GSG1L: variants seen among roughly 807,000 people sequenced by gnomAD.
The protein encoded by GSG1L is germ cell-specific gene 1-like protein.
In GSG1L, 24 loss-of-function variants were observed where a neutral mutation model predicts 42.1. The observed-to-expected ratio is 0.57, with a 90% CI of 0.41 to 0.80. The LOEUF is 0.80. GSG1L is among the 30% of genes least tolerant of loss of function. GSG1L has a pLI of 0.00. For synonymous variants in GSG1L, 215 were observed against 203.5 expected, an observed-to-expected ratio of 1.06 and a Z score of -0.48; for missense variants, 445 against 472.2, an observed-to-expected ratio of 0.94 and a Z score of 0.53.
intron 1 of GSG1L, among the ~76,000 whole-genome samples, chr16:28,039,586 T>C (rs62031307): frequency 0.28 from 41,958 of 148,588 alleles, 6,160 homozygotes; most frequent in Non-Finnish European, 0.32. Flanking sequence ...CGCGCACACA[T>C]GCACATACCC....
intron 2 of GSG1L, among the ~76,000 whole-genome samples, chr16:27,898,882 A>T (rs2084223915): frequency 6.6e-6 from 1 of 152,224 alleles, no homozygotes; most frequent in African/African-American, 2.4e-5. Flanking sequence ...TCCCACATGG[A>T]AATAGTGGCT....
chr16:27,885,215 T>C (rs1028615428), intron 2 of GSG1L, among the ~76,000 whole-genome samples: 7 of 152,168 alleles, frequency 4.6e-5, no homozygotes, highest in African/African-American at 2.4e-5. Flanking sequence ...AGTGGTGCAA[T>C]CACGGTTCAC....
At chr16:28,041,062 T>C (rs2086100376) in intron 1 of GSG1L, among the ~76,000 whole-genome samples, 1 of 152,172 alleles carries the variant, frequency 6.6e-6, no homozygotes. Flanking sequence ...TGAACCATTT[T>C]CTTAAGGTCA....
At chr16:28,006,773 G>T (rs921026795) in intron 1 of GSG1L, among the ~76,000 whole-genome samples, 1 of 152,146 alleles carries the variant, frequency 6.6e-6, no homozygotes, top group Non-Finnish European at 1.5e-5. Flanking sequence ...AATGGGAGTG[G>T]GTGATCTGGT....
chr16:27,846,112 C>A (rs1484247375), intron 3 of GSG1L, among the ~76,000 whole-genome samples: 1 of 152,124 alleles, frequency 6.6e-6, no homozygotes, highest in Non-Finnish European at 1.5e-5. Context: ...ACTTTTATAC[C>A]ATATTCCAAG....
At chr16:27,972,219 CAGA>C (rs2141116409) in intron 1 of GSG1L, among the ~76,000 whole-genome samples, 1 of 152,354 alleles carries the variant, frequency 6.6e-6, no homozygotes, top group South Asian at 2.1e-4. Context: ...CAAGGCTAAA[CAGA>C]AGATGTTTAA....
intron 1 of GSG1L, among the ~76,000 whole-genome samples, chr16:27,970,117 T>A (rs1017348988): frequency 6.6e-6 from 1 of 152,208 alleles, no homozygotes; most frequent in Non-Finnish European, 1.5e-5. Context: ...CCCTTATCAG[T>A]TATCTGATTT....
chr16:27,861,291 C>T (rs1446831821), intron 3 of GSG1L, among the ~76,000 whole-genome samples: 1 of 152,112 alleles, frequency 6.6e-6, no homozygotes, highest in Non-Finnish European at 1.5e-5. Context: ...GCACGAGAAT[C>T]GTTTGAACCC....
intron 1 of GSG1L, 142 bp from the exon 2 acceptor site, chr16:27,963,345 T>C: frequency 1.4e-6 from 1 of 730,702 alleles, no homozygotes. Context: ...CCCTGGTTCC[T>C]AGAAGCCCAA....
chr16:27,871,340 A>T (rs189703778), intron 3 of GSG1L, among the ~76,000 whole-genome samples: 101 of 152,274 alleles, frequency 6.6e-4, no homozygotes, highest in Non-Finnish European at 1.3e-3. Context: ...GGGCACAGAC[A>T]AGTAAATAAA....
chr16:28,026,326 C>G (rs2085900645), intron 1 of GSG1L, among the ~76,000 whole-genome samples: 1 of 152,198 alleles, frequency 6.6e-6, no homozygotes, highest in African/African-American at 2.4e-5. Flanking sequence ...AGAAATGTCA[C>G]AAGTTCTTCT....
chr16:27,908,672 C>T (rs185884852), intron 2 of GSG1L, among the ~76,000 whole-genome samples: 1 of 152,308 alleles, frequency 6.6e-6, no homozygotes. Flanking sequence ...TACACTCCTG[C>T]AAGCCCTTTT....
At chr16:27,883,760 G>A (rs1336461975) in intron 3 of GSG1L, among the ~76,000 whole-genome samples, 2 of 152,144 alleles carry the variant, frequency 1.3e-5, no homozygotes, top group Admixed American at 6.6e-5. Context: ...CCCTTCCTGC[G>A]TAATCCCAGC....
At chr16:28,056,150 G>T (rs1217517457) in intron 1 of GSG1L, among the ~76,000 whole-genome samples, 2 of 152,076 alleles carry the variant, frequency 1.3e-5, no homozygotes, top group Non-Finnish European at 2.9e-5. Context: ...CTTAGTCCCT[G>T]CTGTAAAGAC....
At chr16:28,061,076 T>C (rs2086334206) in intron 1 of GSG1L, among the ~76,000 whole-genome samples, 1 of 152,120 alleles carries the variant, frequency 6.6e-6, no homozygotes, top group Admixed American at 6.5e-5. Context: ...TGCCTCATTG[T>C]ATTTTCAGGT....
chr16:27,936,377 T>C (rs542594668), intron 2 of GSG1L, among the ~76,000 whole-genome samples: 2 of 152,268 alleles, frequency 1.3e-5, no homozygotes, highest in Non-Finnish European at 2.9e-5. Flanking sequence ...CCCTCCCTTG[T>C]GTGGGACGAG....
intron 2 of GSG1L, among the ~76,000 whole-genome samples, chr16:27,936,346 C>T (rs894241831): frequency 1.3e-5 from 2 of 152,134 alleles, no homozygotes; most frequent in Admixed American, 6.5e-5. Flanking sequence ...TGGGGGAGGA[C>T]TCCTCATGAA....
chr16:27,904,180 C>T (rs2084293657), intron 2 of GSG1L, among the ~76,000 whole-genome samples: 1 of 152,146 alleles, frequency 6.6e-6, no homozygotes, highest in African/African-American at 2.4e-5. Flanking sequence ...CAATCCTCTC[C>T]TACCTCAGGC....
At chr16:27,812,778 A>T (rs1010564504) in intron 5 of GSG1L, among the ~76,000 whole-genome samples, 14 of 142,640 alleles carry the variant, frequency 9.8e-5, no homozygotes, top group Admixed American at 5.8e-4. Context: ...TTGTTGTTTT[A>T]ATTTTTATTT....
Sources: gnomAD v4.1 joint callset for allele counts (sites outside exome capture counted in the v4.1 genomes callset) on GRCh38, gnomAD v4.1.1 for gene constraint, MANE v1.5 for transcripts, NCBI Gene and HGNC (gene_info 2026-07-23, HGNC 2026-07-21) for gene names.